Variants in LIPC observed in about 807,000 individuals in gnomAD.
LIPC encodes the protein lipase C, hepatic type.
A neutral mutation model predicts 50.7 loss-of-function variants in LIPC; 44 were observed. That is an observed-to-expected ratio of 0.87 (90% CI 0.68 to 1.11). The LOEUF is 1.11. Among genes scored for constraint, LIPC ranks in the 50% most tolerant of loss-of-function variants. The probability of loss-of-function intolerance (pLI) is 0.00; values close to 1 mark genes in which losing one functional copy is unlikely to be tolerated. For missense variants in LIPC, 697 were observed against 648.2 expected, an observed-to-expected ratio of 1.08 and a Z score of -0.82; for synonymous variants, 271 against 256.4, an observed-to-expected ratio of 1.06 and a Z score of -0.54.
At chr15:58,440,086 G>A (rs1893452203) in intron 1 of LIPC, among the ~76,000 whole-genome samples, 1 of 152,168 alleles carries the variant, frequency 6.6e-6, no homozygotes, top group Admixed American at 6.5e-5. Context: ...AAAACCCCAA[G>A]ATATTTGTGA....
At chr15:58,515,533 C>CACACACATATAT (rs147594972) in intron 1 of LIPC, among the ~76,000 whole-genome samples, 2 of 141,696 alleles carry the variant, frequency 1.4e-5, no homozygotes, top group African/African-American at 5.4e-5. Context: ...TATACACACA[C>CACACACATATAT]ATATATATAT....
intron 1 of LIPC, among the ~76,000 whole-genome samples, chr15:58,474,808 C>T (rs758850889): frequency 6.6e-6 from 1 of 152,160 alleles, no homozygotes; most frequent in East Asian, 1.9e-4. Flanking sequence ...ATGGCCCTCC[C>T]AGCTGCCCCT....
At chr15:58,531,626 C>CAAAAAAA (rs60425157) in intron 1 of LIPC, among the ~76,000 whole-genome samples, 2 of 82,708 alleles carry the variant, frequency 2.4e-5, no homozygotes, top group South Asian at 5.1e-4. Context: ...AAAATGGACT[C>CAAAAAAA]AAAAAAAAAA....
In LIPC at chr15:58,559,378, G is replaced by T. The variant is rs2140948449; in HGVS notation, c.1052-1486G>T. The stretch of plus-strand genomic sequence containing the variant: ...ACCTACTGTGTGCAAGGCACTGTTA[G>T]GATTCGTGGATTAACCATTGTCTAA... On this transcript the variant is annotated intron_variant, in intron 6 of 8. Coordinates refer to ENST00000299022, the MANE Select transcript of LIPC (RefSeq NM_000236.3). Among the ~76,000 whole-genome samples the T allele has an allele frequency of 2.6e-5, 4 of 152,288 alleles. No homozygotes were observed. In the Middle Eastern group the frequency reaches 0.014, roughly 518 times the overall value.
rs145548122 is a variant in LIPC, at chr15:58,446,714, C to T, written c.88+14594C>T. On this transcript the variant is annotated intron_variant, in intron 1 of 8. Transcript: ENST00000299022. ...TCTCTCCCTGCTGGAGGATAAGCAC[C>T]CCAAGGGCAGTGGCCAGTCTTAGCT... 1.1e-3 allele frequency among the ~76,000 whole-genome samples: 166 copies of T among 152,244 alleles called. 1 individual carries two copies. Among genetic ancestry groups the T allele is most frequent in the African/African-American group, 3.6e-3 (151 of 41,546 alleles).
At chr15:58,484,998 A>C (rs756314741) in intron 1 of LIPC, among the ~76,000 whole-genome samples, 14 of 152,230 alleles carry the variant, frequency 9.2e-5, no homozygotes, top group Admixed American at 2.6e-4. Flanking sequence ...AAACAGCTCA[A>C]GAAGAGGCTA....
rs8025173 is a variant in LIPC, at chr15:58,508,862, T to A, written c.89-29471T>A. Among the ~76,000 whole-genome samples, 486 of 152,184 alleles carry A rather than the reference T, an allele frequency of 3.2e-3. 7 individuals are homozygous for A. The highest frequency in any genetic ancestry group is 0.011 in the African/African-American group (460 of 41,520). On this transcript the variant is annotated intron_variant, in intron 1 of 8. Transcript: ENST00000299022. ...CTTCATTCCTGCTACTTTTTTTTTT[T>A]AATTTTTTAGTATTCTTCTGTGCAT... is the stretch of plus-strand genomic sequence containing the variant.
Position 58,565,175 on chromosome 15 carries a change from A to G in LIPC, c.1388+1452A>G, listed in dbSNP as rs1297554534. On this transcript the variant is annotated intron_variant, in intron 8 of 8. Coordinates refer to ENST00000299022, the MANE Select transcript of LIPC (RefSeq NM_000236.3). ...TGAGAGCATACTCTGCCGTCTGCCA[A>G]CAGATCTCCCAACAGGATCAATCTG... 3.3e-6 allele frequency: 5 copies of G among 1,534,706 alleles called. No individual in the cohort carries two copies. In the African/African-American group the frequency reaches 4.1e-5, roughly 13 times the overall value.
intron 6 of LIPC, among the ~76,000 whole-genome samples, chr15:58,553,387 G>T (rs1595947688): frequency 6.6e-6 from 1 of 152,202 alleles, no homozygotes; most frequent in Non-Finnish European, 1.5e-5. Flanking sequence ...CTTGAGCCCA[G>T]GCGTTCCAAA....
At chr15:58,437,245 T>C (rs1272232725) in intron 1 of LIPC, among the ~76,000 whole-genome samples, 2 of 152,170 alleles carry the variant, frequency 1.3e-5, no homozygotes, top group Non-Finnish European at 2.9e-5. Context: ...GCTGTGTGTG[T>C]GTGCATTTTG....
chr15:58,531,575 AAAG>A (rs1435753673), intron 1 of LIPC, among the ~76,000 whole-genome samples: 1 of 151,462 alleles, frequency 6.6e-6, no homozygotes, highest in African/African-American at 2.4e-5. Flanking sequence ...GGGATCCACA[AAAG>A]AAGAAGTTGT....
chr15:58,538,234 C>A, intron 1 of LIPC, 99 bp from the exon 2 acceptor site: 1 of 1,149,058 alleles, frequency 8.7e-7, no homozygotes. Flanking sequence ...TCCCAGTAAC[C>A]TCTTTGGCTT....
At chr15:58,514,361 G>A (rs1337056316) in intron 1 of LIPC, among the ~76,000 whole-genome samples, 1 of 152,224 alleles carries the variant, frequency 6.6e-6, no homozygotes, top group East Asian at 1.9e-4. Context: ...AGTAGTAGTA[G>A]AAGTAGTAGT....
intron 1 of LIPC, among the ~76,000 whole-genome samples, chr15:58,505,508 T>C (rs1253110715): frequency 6.6e-6 from 1 of 152,298 alleles, no homozygotes; most frequent in African/African-American, 2.4e-5. Flanking sequence ...GCCAGCTTGG[T>C]AGGGATGTCT....
chr15:58,471,889 G>T (rs12911658), intron 1 of LIPC, among the ~76,000 whole-genome samples: 17,300 of 152,088 alleles, frequency 0.11, 1,204 homozygotes, highest in Non-Finnish European at 0.17. Context: ...GGGCTCCCCA[G>T]TGAAGCTCCC....
chr15:58,467,786 T>TCC (rs1894624345), intron 1 of LIPC, among the ~76,000 whole-genome samples: 1 of 152,198 alleles, frequency 6.6e-6, no homozygotes, highest in South Asian at 2.1e-4. Flanking sequence ...CTACCAGGTA[T>TCC]CCCTTACATC....
intron 4 of LIPC, among the ~76,000 whole-genome samples, chr15:58,544,649 G>A (rs1446026434): frequency 6.6e-6 from 1 of 152,114 alleles, no homozygotes; most frequent in Non-Finnish European, 1.5e-5. Flanking sequence ...GCCAGACTCA[G>A]CCTCCCAAAG....
intron 7 of LIPC, 22 bp from the exon 8 acceptor site, chr15:58,563,483 T>G (rs1847365848): frequency 1.3e-6 from 2 of 1,588,256 alleles, no homozygotes; most frequent in African/African-American, 1.3e-5. Flanking sequence ...TGATTGTGTC[T>G]GATTTTCTTT....
At chr15:58,490,693 C>T (rs751359247) in intron 1 of LIPC, among the ~76,000 whole-genome samples, 4 of 152,162 alleles carry the variant, frequency 2.6e-5, no homozygotes, top group East Asian at 1.9e-4. Context: ...TGTTTTCTCC[C>T]GTCATCTCCA....
Sources: allele counts gnomAD v4.1 joint callset (sites outside exome capture counted in the v4.1 genomes callset), GRCh38; gene constraint gnomAD v4.1.1; transcripts MANE v1.5; gene names NCBI Gene and HGNC (gene_info 2026-07-23, HGNC 2026-07-21).